Variants in RBBP5 observed in about 807,000 individuals in gnomAD.
The protein encoded by RBBP5 is RB binding protein 5, histone lysine methyltransferase complex subunit, also known as retinoblastoma-binding protein 5.
In RBBP5, 5 loss-of-function variants were observed where a neutral mutation model predicts 72.2. That is an observed-to-expected ratio of 0.07 (90% confidence interval 0.04 to 0.15). The LOEUF is 0.15. Among genes scored for constraint, RBBP5 ranks in the 10% least tolerant of loss-of-function variants. The pLI, the probability that RBBP5 is intolerant of heterozygous loss-of-function variation, is 1.00. For missense variants in RBBP5, 322 were observed against 652.2 expected (o/e 0.49, Z 5.51); for synonymous variants, 209 against 237.2 (o/e 0.88, Z 1.09).
At chr1:205,101,266 T>G (rs538534296) in intron 6 of RBBP5, among the ~76,000 whole-genome samples, 1 of 152,356 alleles carries the variant, frequency 6.6e-6, no homozygotes, top group South Asian at 2.1e-4. Flanking sequence ...TAGGCAGTAT[T>G]CAGTTACAAT....
At chr1:205,103,728 G>C (rs2167052) in intron 5 of RBBP5, 129 bp downstream of exon 5, 1 of 1,055,848 alleles carries the variant, frequency 9.5e-7, no homozygotes, top group South Asian at 1.9e-5. Context: ...AAGAAAATTA[G>C]ACTACATTTG....
chr1:205,113,533 G>C (rs1445175417), intron 3 of RBBP5, among the ~76,000 whole-genome samples: 2 of 152,018 alleles, frequency 1.3e-5, no homozygotes, highest in African/African-American at 4.8e-5. Context: ...CCAAAGCGCT[G>C]GGATTATAGG....
In RBBP5 at chr1:205,095,081, C is replaced by T. The variant is rs374357967; in HGVS notation, c.1397-17G>A. 24 of 1,612,700 alleles carry T rather than the reference C, an allele frequency of 1.5e-5. No homozygotes were observed. The African/African-American group carries it at 2.3e-4, about 15-fold the overall frequency. On this transcript the variant is annotated splice_polypyrimidine_tract_variant and intron_variant, in intron 12 of 13. Transcript: ENST00000264515. ...GATGGACTTCTGTAGGACAGACAGG[C>T]ATGGAAAGGAATCCACATGACACCA...
intron 6 of RBBP5, 152 bp downstream of exon 6, chr1:205,101,448 C>A (rs1574698870): frequency 1.9e-6 from 1 of 526,934 alleles, no homozygotes; most frequent in African/African-American, 2.0e-5. Context: ...ATGTTATGAA[C>A]TCGAAAACCA....
At position 205,100,259 on chromosome 1, in the gene RBBP5, A is replaced by G; in HGVS notation, c.645T>C (p.Ile215=). The change falls in exon 7 of 14, where the codon ATT becomes ATC. Residue 215 remains isoleucine, a synonymous_variant. Coordinates refer to ENST00000264515, the MANE Select transcript of RBBP5 (RefSeq NM_005057.4). ...EFARKGSCFL[I]NTADRIIRVY... ...CTCTGATTATTCGATCTGCCGTGTTAATTAAAAAGCAACTACGGGAAGGAT... is the reference window on the plus strand; with the variant it reads ...CTCTGATTATTCGATCTGCCGTGTTGATTAAAAAGCAACTACGGGAAGGAT... The G allele has an allele frequency of 6.2e-7, 1 of 1,613,906 alleles. No individual in the cohort carries two copies. Among genetic ancestry groups the G allele is most frequent in the Non-Finnish European group, 8.5e-7 (1 of 1,180,034 alleles).
intron 13 of RBBP5, among the ~76,000 whole-genome samples, chr1:205,092,183 C>T (rs1386602507): frequency 6.6e-6 from 1 of 152,188 alleles, no homozygotes; most frequent in Non-Finnish European, 1.5e-5. Flanking sequence ...TCATCACTCT[C>T]CCCAAAATTT....
rs940375531 is a variant in RBBP5, at chr1:205,121,967, G to A, written c.-94C>T. ...CTTGCGTCTAAGTGGTGGACGCCGCGAAGAGACTGGCGCAAGCTCCGAAGA... is the reference window on the plus strand; with the variant it reads ...CTTGCGTCTAAGTGGTGGACGCCGCAAAGAGACTGGCGCAAGCTCCGAAGA... On this transcript the variant is annotated 5_prime_UTR_variant, in exon 1 of 14. Coordinates refer to ENST00000264515, the MANE Select transcript of RBBP5 (RefSeq NM_005057.4). 1.1e-4 allele frequency: 173 copies of A among 1,569,092 alleles called. 2 individuals carry two copies. The South Asian group carries it at 1.4e-3, about 12-fold the overall frequency.
intron 3 of RBBP5, among the ~76,000 whole-genome samples, chr1:205,106,107 G>A (rs1008480350): frequency 2.0e-5 from 3 of 152,008 alleles, no homozygotes; most frequent in Non-Finnish European, 4.4e-5. Context: ...AAGGAACAAG[G>A]AATTCCTATC....
Position 205,099,704 on chromosome 1 carries a change from G to A in RBBP5, c.978+37C>T, listed in dbSNP as rs765379618. 1.3e-6 allele frequency: 2 copies of A among 1,545,182 alleles called. No homozygotes were observed. Among genetic ancestry groups the A allele is most frequent in the Admixed American group, 1.7e-5 (1 of 57,424 alleles). ...TAAGGTTCTTTGATAAAAAGAAGGG[G>A]TAACTAGTTTCGAAGCAAGTAAAAT... On this transcript the variant is annotated intron_variant, in intron 9 of 13. Coordinates refer to ENST00000264515, the MANE Select transcript of RBBP5 (RefSeq NM_005057.4). This position sits in a 1 kb window ranked among gnomAD's most constrained non-coding sequence, Gnocchi z 4.7.
intron 3 of RBBP5, among the ~76,000 whole-genome samples, chr1:205,107,056 ATG>A (rs572047026): frequency 4.9e-4 from 73 of 149,914 alleles, no homozygotes; most frequent in East Asian, 9.7e-4. Flanking sequence ...GTGTATATGT[ATG>A]TGTGTGTGTG....
intron 13 of RBBP5, among the ~76,000 whole-genome samples, chr1:205,090,003 C>T (rs938858726): frequency 2.6e-5 from 4 of 152,144 alleles, no homozygotes; most frequent in Non-Finnish European, 5.9e-5. Context: ...AGGCGCCCAC[C>T]ACCATGCCTG....
At position 205,093,558 on chromosome 1, in the gene RBBP5, A is replaced by ACACACACACACACACACACG. The variant is rs1474687926; in HGVS notation, c.1588+1314_1588+1315insCGTGTGTGTGTGTGTGTGTG. Among the ~76,000 whole-genome samples the ACACACACACACACACACACG allele has an allele frequency of 1.3e-3, 152 of 115,954 alleles. 3 individuals are homozygous for ACACACACACACACACACACG. The highest frequency in any genetic ancestry group is 6.3e-3 in the South Asian group (20 of 3,192). 76.1% of individuals were successfully genotyped at this position (115,954 alleles called of 152,430 possible). A position where few individuals can be genotyped will look rare whatever the true frequency, so the allele number is the denominator to read the frequency against. ...TACACACACACACACACACACACACACACACACACACAGCATTATATGTAT... is the reference window on the plus strand; with the variant it reads ...TACACACACACACACACACACACACACACACACACACACACACACGCACACACACACAGCATTATATGTAT... On this transcript the variant is annotated intron_variant, in intron 13 of 13. Coordinates refer to ENST00000264515, the MANE Select transcript of RBBP5 (RefSeq NM_005057.4).
At chr1:205,101,466 T>TCC in intron 6 of RBBP5, 134 bp downstream of exon 6, 2 of 574,802 alleles carry the variant, frequency 3.5e-6, no homozygotes, top group Non-Finnish European at 5.9e-6. Context: ...CCAGATATTG[T>TCC]AAGTTTCTAA....
chr1:205,102,993 T>C (rs1041668512), intron 5 of RBBP5, among the ~76,000 whole-genome samples: 12 of 112,136 alleles, frequency 1.1e-4, no homozygotes, highest in Admixed American at 2.7e-4. Flanking sequence ...CGAAACTCCA[T>C]CTCAAAAAAA....
Position 205,096,791 on chromosome 1 carries a change from A to C in RBBP5, c.1287T>G (p.Asp429Glu), listed in dbSNP as rs1469468454. Reference protein sequence around the residue: ...PPDAVQTSLMDEGASSEKKRQ... With the variant: ...PPDAVQTSLMEEGASSEKKRQ... ...TCTTCTTCTCTGAACTAGCCCCTTC[A>C]TCCATCAAGGAGGTTTGGACTGCAT... is the stretch of plus-strand genomic sequence containing the variant. The change falls in exon 12 of 14, where the codon GAT becomes GAG. Residue 429 changes from aspartate to glutamate, a missense_variant. Around this residue, in one of 6 missense-constraint regions of RBBP5, gnomAD observed 109 missense variants for 146.3 expected, o/e 0.75. Coordinates refer to ENST00000264515, the MANE Select transcript of RBBP5 (RefSeq NM_005057.4). 13 of 1,614,176 alleles carry C rather than the reference A, an allele frequency of 8.1e-6. No individual in the cohort carries two copies. Among genetic ancestry groups the C allele is most frequent in the Non-Finnish European group, 1.0e-5 (12 of 1,180,038 alleles).
intron 6 of RBBP5, 29 bp downstream of exon 6, chr1:205,101,571 T>C: frequency 1.3e-6 from 2 of 1,514,730 alleles, no homozygotes; most frequent in South Asian, 2.3e-5. Flanking sequence ...CTCTTAAAAC[T>C]GTCCCTTAAA....
At position 205,099,815 on chromosome 1, in the gene RBBP5, A is replaced by G. The variant is rs1478618568; in HGVS notation, c.907-3T>C. On this transcript the variant is annotated splice_polypyrimidine_tract_variant and splice_region_variant and intron_variant, in intron 8 of 13. Coordinates refer to ENST00000264515, the MANE Select transcript of RBBP5 (RefSeq NM_005057.4). This position sits in a 1 kb window ranked among gnomAD's most constrained non-coding sequence, Gnocchi z 4.7. ...ATGATGGGTCGAACAGGATGCCACTAAATTTTAGTGAAGGAAAGAAAAACA... is the reference window on the plus strand; with the variant it reads ...ATGATGGGTCGAACAGGATGCCACTGAATTTTAGTGAAGGAAAGAAAAACA... 5 of 1,613,874 alleles carry G rather than the reference A, an allele frequency of 3.1e-6. No homozygotes were observed. The South Asian group carries it at 4.4e-5, about 14-fold the overall frequency.
Position 205,088,716 on chromosome 1 carries a change from A to C in RBBP5, c.*71T>G, listed in dbSNP as rs1655220570. The stretch of plus-strand genomic sequence containing the variant: ...TTGTTTTAAATTAAAGTCAATTTTC[A>C]AATGACTGACCACAGTGTCCAGAGG... On this transcript the variant is annotated 3_prime_UTR_variant, in exon 14 of 14. Coordinates refer to ENST00000264515, the MANE Select transcript of RBBP5 (RefSeq NM_005057.4). 3.4e-6 allele frequency: 5 copies of C among 1,483,436 alleles called. No individual in the cohort carries two copies. Among genetic ancestry groups the C allele is most frequent in the African/African-American group, 1.4e-5 (1 of 69,964 alleles). 91.9% of individuals were successfully genotyped at this position (1,483,436 alleles called of 1,614,324 possible).
At chr1:205,093,479 AAT>A (rs1204598107) in intron 13 of RBBP5, among the ~76,000 whole-genome samples, 11 of 7,848 alleles carry the variant, frequency 1.4e-3, no homozygotes, top group Non-Finnish European at 3.1e-3. Flanking sequence ...AAAAAAAAAA[AAT>A]ATATATATAT....
Sources: gnomAD v4.1 joint callset for allele counts (sites outside exome capture counted in the v4.1 genomes callset) on GRCh38, gnomAD v4.1.1 for gene constraint, gnomAD v4.1.1 regional missense constraint, Gnocchi (gnomAD v3.1) non-coding constraint, MANE v1.5 for transcripts, NCBI Gene and HGNC (gene_info 2026-07-23, HGNC 2026-07-21) for gene names.